Variants in GALNTL6 observed in about 807,000 individuals in gnomAD.
GALNTL6 encodes polypeptide N-acetylgalactosaminyltransferase-like 6.
Under a neutral mutation model 73.7 loss-of-function variants are expected in GALNTL6, and 46 were observed. The ratio of observed to expected loss-of-function variants is 0.62; its 90% CI spans 0.49 to 0.80. GALNTL6 has a LOEUF of 0.80. Among genes scored for constraint, GALNTL6 ranks in the 30% least tolerant of loss-of-function variants. The pLI is 0.00. For synonymous variants in GALNTL6, 259 were observed against 263.7 expected (o/e 0.98, Z 0.17); for missense variants, 604 against 755.0 (o/e 0.80, Z 2.34).
rs541048579 is a variant in GALNTL6, at chr4:172,728,421, G to A, written c.554-80940G>A. Among the ~76,000 whole-genome samples, 13 of 152,078 alleles carry A rather than the reference G, an allele frequency of 8.5e-5. No individual in the cohort carries two copies. The South Asian group carries it at 2.7e-3, about 32-fold the overall frequency. On this transcript the variant is annotated intron_variant, in intron 5 of 12. Coordinates refer to ENST00000506823, the MANE Select transcript of GALNTL6 (RefSeq NM_001034845.3). ...ATTTCACTTACCATAATAGGCTCCAGTTCCATCCACATTGCTGAAAAAGAC... is the reference window on the plus strand; with the variant it reads ...ATTTCACTTACCATAATAGGCTCCAATTCCATCCACATTGCTGAAAAAGAC...
intron 2 of GALNTL6, among the ~76,000 whole-genome samples, chr4:171,844,087 T>C (rs1162368076): frequency 6.6e-6 from 1 of 152,172 alleles, no homozygotes; most frequent in Non-Finnish European, 1.5e-5. Context: ...ACAATGCAAT[T>C]GCAGGTGTTA....
chr4:171,957,230 G>A (rs1169263196), intron 2 of GALNTL6, among the ~76,000 whole-genome samples: 7 of 152,248 alleles, frequency 4.6e-5, no homozygotes, highest in East Asian at 1.9e-4. Context: ...CTTTATAAAC[G>A]TTAATTAAAT....
intron 5 of GALNTL6, among the ~76,000 whole-genome samples, chr4:172,713,255 T>TGTGA (rs1734833927): frequency 9.5e-6 from 1 of 104,800 alleles, no homozygotes; most frequent in Non-Finnish European, 2.0e-5. Flanking sequence ...TGTGTGTGTG[T>TGTGA]GTGTGTGTGT....
rs117332433 is a variant in GALNTL6 at position 172,753,217 on chromosome 4, G to A, written c.554-56144G>A. Among the ~76,000 whole-genome samples the A allele has an allele frequency of 4.7e-3, 722 of 152,194 alleles. 15 individuals are homozygous for A. The East Asian group carries it at 0.081, about 17-fold the overall frequency. On this transcript the variant is annotated intron_variant, in intron 5 of 12. Coordinates refer to ENST00000506823, the MANE Select transcript of GALNTL6 (RefSeq NM_001034845.3). Reference sequence around the variant, plus strand: ...AAAGGCAAAAGCTCTCTTGCCTGCTGCCATGGAAGATGTGCCTTTGCTCTT... The same window carrying A: ...AAAGGCAAAAGCTCTCTTGCCTGCTACCATGGAAGATGTGCCTTTGCTCTT...
At chr4:173,029,558 G>C (rs1161197440) in intron 12 of GALNTL6, among the ~76,000 whole-genome samples, 2 of 152,138 alleles carry the variant, frequency 1.3e-5, no homozygotes, top group Non-Finnish European at 2.9e-5. Context: ...CTTTTGTTAT[G>C]AGCTTCTAGC....
intron 5 of GALNTL6, among the ~76,000 whole-genome samples, chr4:172,626,132 T>C (rs1265399890): frequency 1.3e-5 from 2 of 152,072 alleles, no homozygotes; most frequent in African/African-American, 4.8e-5. Context: ...GGTTTTTGTC[T>C]AGCATCCTCA....
At chr4:172,330,659 G>A (rs1741093346) in intron 4 of GALNTL6, among the ~76,000 whole-genome samples, 1 of 152,164 alleles carries the variant, frequency 6.6e-6, no homozygotes, top group Non-Finnish European at 1.5e-5. Flanking sequence ...TTGATAGGAA[G>A]TAGTATAGTT....
At chr4:172,208,690 T>C (rs965453479) in intron 2 of GALNTL6, among the ~76,000 whole-genome samples, 1 of 152,154 alleles carries the variant, frequency 6.6e-6, no homozygotes, top group African/African-American at 2.4e-5. Flanking sequence ...GTGTTTTTGG[T>C]GACTGTTTTA....
chr4:172,895,384 TTATA>T (rs200533676), intron 8 of GALNTL6, among the ~76,000 whole-genome samples: 1 of 117,974 alleles, frequency 8.5e-6, no homozygotes, highest in Non-Finnish European at 1.8e-5. Flanking sequence ...AGTGTTTTTG[TTATA>T]TATATATATA....
chr4:171,878,488 T>G (rs1215956189), intron 2 of GALNTL6, among the ~76,000 whole-genome samples: 1 of 152,206 alleles, frequency 6.6e-6, no homozygotes, highest in Non-Finnish European at 1.5e-5. Flanking sequence ...CAGAGTTCTT[T>G]GAGCATAAAA....
At chr4:172,077,835 C>A (rs1232141161) in intron 2 of GALNTL6, among the ~76,000 whole-genome samples, 1 of 152,078 alleles carries the variant, frequency 6.6e-6, no homozygotes, top group Non-Finnish European at 1.5e-5. Context: ...TATGGCAGCC[C>A]CTCCCATCAC....
chr4:172,025,871 G>A (rs541213414), intron 2 of GALNTL6, among the ~76,000 whole-genome samples: 5 of 151,822 alleles, frequency 3.3e-5, no homozygotes, highest in Admixed American at 6.6e-5. Flanking sequence ...ATTCTCAGGA[G>A]AAAACCAGTA....
At position 172,105,493 on chromosome 4, in the gene GALNTL6, A is replaced by G. The variant is rs75663072; in HGVS notation, c.139-124163A>G. Among the ~76,000 whole-genome samples the G allele has an allele frequency of 7.2e-4, 110 of 152,166 alleles. No homozygotes were observed. The East Asian group carries it at 0.021, about 29-fold the overall frequency. Reference sequence around the variant, plus strand: ...ACTGATACGCTCTCATATTTAGGAAAAACACTCTGTCCCAAAAAGGATAAA... The same window carrying G: ...ACTGATACGCTCTCATATTTAGGAAGAACACTCTGTCCCAAAAAGGATAAA... On this transcript the variant is annotated intron_variant, in intron 2 of 12. Transcript: ENST00000506823.
At chr4:171,823,127 C>T (rs1442291654) in intron 2 of GALNTL6, among the ~76,000 whole-genome samples, 1 of 151,964 alleles carries the variant, frequency 6.6e-6, no homozygotes, top group East Asian at 1.9e-4. Context: ...ATAATTTGTC[C>T]CTGGTATTCT....
chr4:172,681,130 G>A (rs1222536998), intron 5 of GALNTL6, among the ~76,000 whole-genome samples: 1 of 152,098 alleles, frequency 6.6e-6, no homozygotes, highest in East Asian at 1.9e-4. Context: ...AGGTTATGAA[G>A]GGTAATGGCA....
At chr4:172,938,654 T>C (rs1579681298) in intron 9 of GALNTL6, among the ~76,000 whole-genome samples, 1 of 152,188 alleles carries the variant, frequency 6.6e-6, no homozygotes, top group South Asian at 2.1e-4. Flanking sequence ...TACAAGAGCT[T>C]GTGGCACGAT....
chr4:172,363,122 C>T (rs1481091632), intron 5 of GALNTL6, among the ~76,000 whole-genome samples: 1 of 152,154 alleles, frequency 6.6e-6, no homozygotes, highest in African/African-American at 2.4e-5. Flanking sequence ...TCATCTTTCT[C>T]TATAGTCCAT....
At chr4:172,767,810 C>T (rs1444291701) in intron 5 of GALNTL6, among the ~76,000 whole-genome samples, 1 of 151,800 alleles carries the variant, frequency 6.6e-6, no homozygotes, top group Non-Finnish European at 1.5e-5. Context: ...GCTGGGATCA[C>T]AGGAGCACAC....
rs1753847683 is a variant in GALNTL6, at chr4:173,040,162, T to G, written c.*62T>G. 2 of 1,291,954 alleles carry G rather than the reference T, an allele frequency of 1.5e-6. No individual in the cohort carries two copies. Among genetic ancestry groups the G allele is most frequent in the Non-Finnish European group, 2.2e-6 (2 of 922,336 alleles). 80.0% of individuals were successfully genotyped at this position (1,291,954 alleles called of 1,614,324 possible). ...TATAAATTAAATTTTAGCCAGCATC[T>G]GGGTCGAAGGAGTCAGGAATAACAT... is the stretch of plus-strand genomic sequence containing the variant. On this transcript the variant is annotated 3_prime_UTR_variant, in exon 13 of 13. Coordinates refer to ENST00000506823, the MANE Select transcript of GALNTL6 (RefSeq NM_001034845.3).
Sources: gnomAD v4.1 joint callset for allele counts (sites outside exome capture counted in the v4.1 genomes callset) on GRCh38, gnomAD v4.1.1 for gene constraint, MANE v1.5 for transcripts, NCBI Gene and HGNC (gene_info 2026-07-23, HGNC 2026-07-21) for gene names.